Variants in NREP observed in about 807,000 individuals in gnomAD.
NREP encodes the protein neuronal regeneration related protein.
In NREP, 5 loss-of-function variants were observed where a neutral mutation model predicts 8.6. The observed-to-expected ratio is 0.58, with a 90% CI of 0.30 to 1.22. The LOEUF is 1.22. Ranked by LOEUF, NREP falls within the 50% of genes most tolerant of loss-of-function variation. NREP has a pLI of 0.07. For synonymous variants in NREP, 27 were observed against 28.0 expected, an observed-to-expected ratio of 0.96 and a Z score of 0.11; for missense variants, 86 against 82.5, an observed-to-expected ratio of 1.04 and a Z score of -0.17.
At chr5:111,938,727 A>C (rs577110120) in intron 2 of NREP, among the ~76,000 whole-genome samples, 201 of 152,178 alleles carry the variant, frequency 1.3e-3, no homozygotes, top group Non-Finnish European at 2.2e-3. Flanking sequence ...AGTACTGGGA[A>C]CAGAACTTAG....
chr5:111,963,740 G>A (rs920126563), intron 2 of NREP, among the ~76,000 whole-genome samples: 3 of 152,164 alleles, frequency 2.0e-5, no homozygotes, highest in Admixed American at 6.5e-5. Flanking sequence ...CAGCAAGAAG[G>A]GACTCAGTTG....
At chr5:111,880,995 A>G (rs541245258) in intron 2 of NREP, among the ~76,000 whole-genome samples, 3 of 152,288 alleles carry the variant, frequency 2.0e-5, no homozygotes, top group African/African-American at 7.2e-5. Flanking sequence ...GGTGCAGCGC[A>G]CCGTGCATGA....
chr5:111,958,553 T>A (rs1212156126), intron 2 of NREP, among the ~76,000 whole-genome samples: 1 of 151,922 alleles, frequency 6.6e-6, no homozygotes, highest in Non-Finnish European at 1.5e-5. Flanking sequence ...ATTTAAAAAA[T>A]TTCATTCAAA....
chr5:111,766,268 G>C (rs1327799264), intron 2 of NREP, among the ~76,000 whole-genome samples: 1 of 152,106 alleles, frequency 6.6e-6, no homozygotes. Flanking sequence ...ATTTGACTCT[G>C]TGACTGGGAA....
At chr5:111,794,037 G>C (rs1751818109) in intron 2 of NREP, among the ~76,000 whole-genome samples, 1 of 152,182 alleles carries the variant, frequency 6.6e-6, no homozygotes, top group Non-Finnish European at 1.5e-5. Flanking sequence ...AACACAGCAA[G>C]ACCCTATGAG....
chr5:111,949,807 A>G (rs1488930533), intron 2 of NREP, among the ~76,000 whole-genome samples: 2 of 151,998 alleles, frequency 1.3e-5, no homozygotes, highest in Non-Finnish European at 2.9e-5. Flanking sequence ...TATGTGCCAC[A>G]TTTTCTTAAT....
upstream of NREP, chr5:111,757,741 A>G (rs187614702): frequency 1.2e-3 from 1,170 of 984,090 alleles, 16 homozygotes; most frequent in African/African-American, 0.019. Context: ...CCCCGGGAGC[A>G]CGGCGCGCGC....
intron 2 of NREP, among the ~76,000 whole-genome samples, chr5:111,880,907 C>T (rs190598614): frequency 5.9e-5 from 9 of 151,844 alleles, no homozygotes; most frequent in East Asian, 1.9e-4. Flanking sequence ...ACGCAGAAGA[C>T]GGGTGATTTC....
chr5:111,860,497 G>A (rs759425759), intron 2 of NREP, among the ~76,000 whole-genome samples: 53 of 151,894 alleles, frequency 3.5e-4, no homozygotes, highest in Admixed American at 1.3e-4. Context: ...CTTTAATCTT[G>A]AGTCCAGTCA....
chr5:111,759,176 T>G (rs1750899089), upstream of NREP, among the ~76,000 whole-genome samples: 1 of 152,080 alleles, frequency 6.6e-6, no homozygotes, highest in African/African-American at 2.4e-5. Flanking sequence ...AACACGCTGC[T>G]CAAGGGCACC....
chr5:111,820,764 T>C (rs569427032), intron 2 of NREP, among the ~76,000 whole-genome samples: 1 of 152,176 alleles, frequency 6.6e-6, no homozygotes, highest in African/African-American at 2.4e-5. Flanking sequence ...AGCTGAATTA[T>C]ATTAGATAAG....
intron 2 of NREP, among the ~76,000 whole-genome samples, chr5:111,936,075 G>T (rs1441078949): frequency 6.6e-6 from 1 of 151,976 alleles, no homozygotes; most frequent in East Asian, 1.9e-4. Flanking sequence ...TTCCCATGGT[G>T]TTCTCCCCTG....
At chr5:111,964,106 C>A (rs139368434) in intron 2 of NREP, among the ~76,000 whole-genome samples, 1 of 152,274 alleles carries the variant, frequency 6.6e-6, no homozygotes, top group African/African-American at 2.4e-5. Context: ...TAGGGTAAAT[C>A]GTTCTCTTAT....
chr5:111,896,306 A>G (rs978555933), intron 2 of NREP, among the ~76,000 whole-genome samples: 3 of 152,216 alleles, frequency 2.0e-5, no homozygotes, highest in Non-Finnish European at 4.4e-5. Context: ...TGGTTTAACA[A>G]TTGAGTGGAT....
chr5:111,936,916 T>A (rs1755700292), intron 2 of NREP, among the ~76,000 whole-genome samples: 1 of 152,100 alleles, frequency 6.6e-6, no homozygotes, highest in Admixed American at 6.6e-5. Context: ...CGAATTATTC[T>A]CACTCATGGA....
chr5:111,741,056 T>C (rs911032210), intron 2 of NREP, among the ~76,000 whole-genome samples: 1 of 152,210 alleles, frequency 6.6e-6, no homozygotes, highest in Non-Finnish European at 1.5e-5. Flanking sequence ...CATGGTTTGG[T>C]TGTTAACGAC....
At chr5:111,746,737 A>G (rs1750029167) in intron 2 of NREP, among the ~76,000 whole-genome samples, 1 of 152,198 alleles carries the variant, frequency 6.6e-6, no homozygotes, top group East Asian at 1.9e-4. Context: ...ACTTTTACAA[A>G]AAGATTTTTT....
rs149558257 is a variant in NREP at position 111,903,012 on chromosome 5, A to G, written c.135+72262T>C. ...TGCTTACAAAAGTGTCCTGACTTTT[A>G]TGTTGAGAAGTTTATATTTTATATT... On this transcript the variant is annotated intron_variant, in intron 2 of 3. Coordinates refer to the NREP transcript ENST00000395634. Among the ~76,000 whole-genome samples the G allele has an allele frequency of 3.4e-3, 518 of 151,544 alleles. 5 individuals carry two copies. Among genetic ancestry groups the G allele is most frequent in the Admixed American group, 0.029 (439 of 15,210 alleles).
chr5:111,841,561 C>T (rs1561689102), intron 2 of NREP, among the ~76,000 whole-genome samples: 1 of 152,136 alleles, frequency 6.6e-6, no homozygotes, highest in Non-Finnish European at 1.5e-5. Context: ...ATAATGTCTA[C>T]AGATGAGACT....
Sources: gnomAD v4.1 joint callset for allele counts (sites outside exome capture counted in the v4.1 genomes callset) on GRCh38, gnomAD v4.1.1 for gene constraint, MANE v1.5 for transcripts, NCBI Gene and HGNC (gene_info 2026-07-23, HGNC 2026-07-21) for gene names.